PCDHA8: variants seen among roughly 807,000 people sequenced by gnomAD.
PCDHA8 encodes the protein protocadherin alpha-8.
PCDHA8 carries 53 observed loss-of-function variants against 61.8 expected under a neutral mutation model. The ratio of observed to expected loss-of-function variants is 0.86; its 90% confidence interval spans 0.69 to 1.08. PCDHA8 has a LOEUF of 1.08. Among genes scored for constraint, PCDHA8 ranks in the 50% least tolerant of loss-of-function variants. The pLI is 0.00. For missense variants in PCDHA8, 1,293 were observed against 1,245.0 expected (o/e 1.04, Z -0.58); for synonymous variants, 618 against 556.6 (o/e 1.11, Z -1.55).
At chr5:140,858,949 G>A in intron 1 of PCDHA8, 1 of 158,970 alleles carries the variant, frequency 6.3e-6, no homozygotes, top group Non-Finnish European at 1.4e-5. Flanking sequence ...AGTGATTACA[G>A]CTTTTTCTCA....
chr5:140,902,563 G>C (rs1472097639), intron 1 of PCDHA8, among the ~76,000 whole-genome samples: 2 of 151,808 alleles, frequency 1.3e-5, no homozygotes, highest in African/African-American at 4.8e-5. Context: ...GATTTTTGAG[G>C]GTTTTTAAGA....
At chr5:140,862,065 G>T (rs2047192939) in intron 1 of PCDHA8, 1 of 155,768 alleles carries the variant, frequency 6.4e-6, no homozygotes, top group African/African-American at 2.4e-5. Flanking sequence ...TGCAACTGAT[G>T]TCTCCCCTAA....
chr5:140,926,767 C>T (rs1323702990), intron 1 of PCDHA8: 8 of 1,358,906 alleles, frequency 5.9e-6, no homozygotes, highest in Admixed American at 3.2e-5. Context: ...AGTATCCAGC[C>T]CGCAGCAGTG....
chr5:140,983,005 AAAGG>A (rs1223217874), intron 3 of PCDHA8, among the ~76,000 whole-genome samples: 2 of 152,110 alleles, frequency 1.3e-5, no homozygotes, highest in African/African-American at 2.4e-5. Flanking sequence ...AAAGAAAGAA[AAAGG>A]AAGGAAGGAA....
intron 2 of PCDHA8, among the ~76,000 whole-genome samples, chr5:140,980,413 T>C (rs1218867656): frequency 6.6e-6 from 1 of 152,086 alleles, no homozygotes; most frequent in Admixed American, 6.6e-5. Context: ...GGGCAGATCA[T>C]GAGGTCAAGA....
chr5:140,902,724 C>T (rs1463381369), intron 1 of PCDHA8, among the ~76,000 whole-genome samples: 6 of 148,640 alleles, frequency 4.0e-5, no homozygotes, highest in Admixed American at 3.3e-4. Context: ...TCCCACCCTT[C>T]CCTCCAAGTC....
At chr5:140,967,492 G>C in intron 1 of PCDHA8, 1 of 1,613,380 alleles carries the variant, frequency 6.2e-7, no homozygotes, top group Non-Finnish European at 8.5e-7. Flanking sequence ...GTACGGCACA[G>C]ATCTCTGTGC....
intron 1 of PCDHA8, chr5:140,871,356 G>A (rs368141967): frequency 1.0e-4 from 163 of 1,614,090 alleles, no homozygotes; most frequent in Non-Finnish European, 1.3e-4. Context: ...CATACTCGCA[G>A]CAGAGGCGGC....
At chr5:140,967,489 A>G in intron 1 of PCDHA8, 4 of 1,613,456 alleles carry the variant, frequency 2.5e-6, no homozygotes, top group Non-Finnish European at 3.4e-6. Flanking sequence ...CGGGTACGGC[A>G]CAGATCTCTG....
At chr5:140,846,639 G>C (rs1780602626) in intron 1 of PCDHA8, among the ~76,000 whole-genome samples, 2 of 149,172 alleles carry the variant, frequency 1.3e-5, no homozygotes, top group Non-Finnish European at 1.5e-5. Context: ...CTCCTAAAGT[G>C]CTGGGATTAC....
At chr5:140,920,023 C>T (rs1554199365) in intron 1 of PCDHA8, among the ~76,000 whole-genome samples, 1 of 152,096 alleles carries the variant, frequency 6.6e-6, no homozygotes, top group Non-Finnish European at 1.5e-5. Flanking sequence ...AAGATGGAGA[C>T]AGAGATTGGA....
chr5:140,930,985 A>G (rs2087229279), intron 1 of PCDHA8, among the ~76,000 whole-genome samples: 1 of 152,110 alleles, frequency 6.6e-6, no homozygotes, highest in Non-Finnish European at 1.5e-5. Context: ...TTTCTTCCTC[A>G]TGACCTACAC....
chr5:140,890,294 G>A (rs1554184246), intron 1 of PCDHA8, among the ~76,000 whole-genome samples: 1 of 152,132 alleles, frequency 6.6e-6, no homozygotes, highest in Non-Finnish European at 1.5e-5. Flanking sequence ...GTCAGAACCA[G>A]GAGAGGTAAT....
At chr5:140,919,816 A>T (rs542185810) in intron 1 of PCDHA8, among the ~76,000 whole-genome samples, 22 of 152,358 alleles carry the variant, frequency 1.4e-4, no homozygotes, top group African/African-American at 5.3e-4. Flanking sequence ...GGCCTCAAAA[A>T]TATATGTCCA....
At position 140,963,092 on chromosome 5, in the gene PCDHA8, C is replaced by T. The variant is rs1202521389; in HGVS notation, c.2395-15857C>T. Among the ~76,000 whole-genome samples, 3 of 151,976 alleles carry T rather than the reference C, an allele frequency of 2.0e-5. No homozygotes were observed. The South Asian group carries it at 6.2e-4, about 32-fold the overall frequency. On this transcript the variant is annotated intron_variant, in intron 1 of 3. Transcript: ENST00000531613. Reference sequence around the variant, plus strand: ...GGAGACAGAAATATAAGACATGGCTCCTGCTTTCAGGTTGCTTATAATTAA... The same window carrying T: ...GGAGACAGAAATATAAGACATGGCTTCTGCTTTCAGGTTGCTTATAATTAA...
At chr5:140,892,678 A>G (rs1381127232) in intron 1 of PCDHA8, among the ~76,000 whole-genome samples, 2 of 152,216 alleles carry the variant, frequency 1.3e-5, no homozygotes, top group Middle Eastern at 3.2e-3. Context: ...ACATATATAC[A>G]ATGTATAATA....
intron 1 of PCDHA8, chr5:140,928,238 A>T (rs147430561): frequency 1.9e-6 from 3 of 1,614,188 alleles, no homozygotes; most frequent in Non-Finnish European, 2.5e-6. Context: ...CCTCAACCCC[A>T]GCAGGAACTT....
At chr5:140,966,692 G>A in intron 1 of PCDHA8, 2 of 1,352,080 alleles carry the variant, frequency 1.5e-6, no homozygotes, top group East Asian at 2.9e-5. Context: ...CGGAGGCGGG[G>A]CCCGGGCGTG....
At chr5:140,892,083 C>T (rs1019565386) in intron 1 of PCDHA8, among the ~76,000 whole-genome samples, 5 of 152,144 alleles carry the variant, frequency 3.3e-5, no homozygotes, top group African/African-American at 1.2e-4. Context: ...TTTCTAGTTT[C>T]CTCTCGAAAC....
Sources: allele counts gnomAD v4.1 joint callset (sites outside exome capture counted in the v4.1 genomes callset), GRCh38; gene constraint gnomAD v4.1.1; transcripts MANE v1.5; gene names NCBI Gene and HGNC (gene_info 2026-07-23, HGNC 2026-07-21).